The following FCGRT variants were observed in gnomAD, a reference collection of about 807,000 sequenced individuals.
FCGRT encodes Fc gamma receptor and transporter.
A neutral mutation model predicts 35.7 loss-of-function variants in FCGRT; 13 were observed. That is an observed-to-expected ratio of 0.36 (90% CI 0.24 to 0.58). FCGRT has a LOEUF of 0.58. Ranked by LOEUF, FCGRT falls within the 20% of genes least tolerant of loss-of-function variation. The pLI is 0.77. For synonymous variants in FCGRT, 233 were observed against 216.5 expected, an observed-to-expected ratio of 1.08 and a Z score of -0.67; for missense variants, 455 against 474.9, an observed-to-expected ratio of 0.96 and a Z score of 0.39.
intron 4 of FCGRT, among the ~76,000 whole-genome samples, chr19:49,518,639 T>C (rs932124077): frequency 2.6e-5 from 4 of 151,972 alleles, no homozygotes; most frequent in Admixed American, 1.3e-4. Flanking sequence ...GTTCAAGCAA[T>C]TCTCCTGCCT....
At chr19:49,517,161 C>G (rs1485317637) in intron 4 of FCGRT, among the ~76,000 whole-genome samples, 1 of 151,806 alleles carries the variant, frequency 6.6e-6, no homozygotes, top group African/African-American at 2.4e-5. Context: ...TGCACTCCAG[C>G]CCAGATGACA....
At chr19:49,514,545 C>T (rs1301989556) in intron 4 of FCGRT, 59 bp downstream of exon 4, 2 of 1,454,836 alleles carry the variant, frequency 1.4e-6, no homozygotes, top group Non-Finnish European at 9.1e-7. Flanking sequence ...GCCCACCTGC[C>T]TCAGTTCCCC....
intron 4 of FCGRT, 74 bp from the exon 5 acceptor site, chr19:49,524,433 T>C: frequency 2.0e-6 from 3 of 1,508,682 alleles, no homozygotes; most frequent in Admixed American, 3.7e-5. Context: ...GGAGGCCTCT[T>C]TCTGTCCCTA....
chr19:49,522,315 A>G lies in FCGRT; in HGVS notation c.602-2192A>G, dbSNP rs545828007. Among the ~76,000 whole-genome samples, 8 of 152,142 alleles carry G rather than the reference A, an allele frequency of 5.3e-5. No individual in the cohort carries two copies. The East Asian group carries it at 1.4e-3, about 26-fold the overall frequency. On this transcript the variant is annotated intron_variant, in intron 4 of 6. Transcript: ENST00000221466. ...GGCTGGTCTCCAACTCCTGGGTTCA[A>G]GTGATCCACCTCATTCTCCCAAAGC...
At chr19:49,516,361 G>C (rs1231366136) in intron 4 of FCGRT, among the ~76,000 whole-genome samples, 1 of 151,322 alleles carries the variant, frequency 6.6e-6, no homozygotes, top group African/African-American at 2.4e-5. Context: ...TCCTGCCTCA[G>C]CCTCCCGAGT....
chr19:49,512,670 G>T lies in FCGRT; in HGVS notation c.-95G>T. 1 of 155,008 alleles carries T rather than the reference G, an allele frequency of 6.5e-6. No individual in the cohort carries two copies. The highest frequency in any genetic ancestry group is 1.8e-4 in the South Asian group (1 of 5,542). 9.6% of individuals were successfully genotyped at this position (155,008 alleles called of 1,614,324 possible). A position where few individuals can be genotyped will look rare whatever the true frequency, so the allele number is the denominator to read the frequency against. On this transcript the variant is annotated 5_prime_UTR_variant, in exon 1 of 7. Coordinates refer to ENST00000221466, the MANE Select transcript of FCGRT (RefSeq NM_001136019.3). Reference sequence around the variant, plus strand: ...AGCAGCAGCCTCCCACAGGATGTGAGAGAGGAACTGGGGTCTCCAGTCACG... The same window carrying T: ...AGCAGCAGCCTCCCACAGGATGTGATAGAGGAACTGGGGTCTCCAGTCACG...
At chr19:49,513,794 A>G in intron 2 of FCGRT, 88 bp from the exon 3 acceptor site, 1 of 1,083,894 alleles carries the variant, frequency 9.2e-7, no homozygotes, top group Non-Finnish European at 1.2e-6. Context: ...TCCCTCCATA[A>G]TAGATTCTTC....
chr19:49,514,598 GCC>G, intron 4 of FCGRT, 112 bp downstream of exon 4: 1 of 1,055,288 alleles, frequency 9.5e-7, no homozygotes, highest in Non-Finnish European at 1.3e-6. Context: ...CCCACGCTCT[GCC>G]CCCCCATTCC....
intron 6 of FCGRT, 122 bp from the exon 7 acceptor site, chr19:49,525,888 C>T (rs1411290455): frequency 2.6e-6 from 2 of 778,118 alleles, no homozygotes; most frequent in East Asian, 2.4e-5. Context: ...GACAAAGGCC[C>T]AGAAGGAAGG....
rs747515242 is a variant in FCGRT, at chr19:49,524,534, G to A, written c.629G>A (p.Arg210Gln). ...CCCCCCTCCATGCGCCTGAAGGCCC[G>A]ACCCAGCAGCCCTGGCTTTTCCGTG... ...KEPPSMRLKA[R>Q]PSSPGFSVLT... Residue 210 changes from arginine to glutamine, a missense_variant, in exon 5 of 7, where the codon CGA becomes CAA. This residue lies in a region of FCGRT where 312 missense variants were observed against 296.1 expected (regional missense o/e 1.05). Transcript: ENST00000221466. 2.2e-5 allele frequency: 36 copies of A among 1,609,996 alleles called. No homozygotes were observed. In the East Asian group the frequency reaches 5.4e-4, roughly 24 times the overall value.
chr19:49,513,107 G>A (rs1012569278), intron 1 of FCGRT: 1 of 241,682 alleles, frequency 4.1e-6, no homozygotes, highest in African/African-American at 2.3e-5. Flanking sequence ...TGGACTCCGG[G>A]GTCTGAGGGA....
In FCGRT at chr19:49,524,641, C is replaced by G. The variant is rs900437297; in HGVS notation, c.736C>G (p.Gln246Glu). Residue 246 changes from glutamine (Q) to glutamate (E), a missense_variant, in exon 5 of 7, where the codon CAG (glutamine) becomes GAG (glutamate). By Grantham distance (29) the Gln-to-Glu change is conservative. This residue lies in a region of FCGRT where 312 missense variants were observed against 296.1 expected (regional missense o/e 1.05). Coordinates refer to ENST00000221466, the MANE Select transcript of FCGRT (RefSeq NM_001136019.3). ...GAATGGGCTGGCCGCTGGCACCGGCCAGGGTGACTTCGGCCCCAACAGTGA... is the reference window on the plus strand; with the variant it reads ...GAATGGGCTGGCCGCTGGCACCGGCGAGGGTGACTTCGGCCCCAACAGTGA... ...LRNGLAAGTG[Q>E]GDFGPNSDGS... 1 of 1,608,618 alleles carries G rather than the reference C, an allele frequency of 6.2e-7. No individual in the cohort carries two copies. The highest frequency in any genetic ancestry group is 8.5e-7 in the Non-Finnish European group (1 of 1,180,020).
At chr19:49,519,302 T>C (rs1221014118) in intron 4 of FCGRT, among the ~76,000 whole-genome samples, 1 of 152,120 alleles carries the variant, frequency 6.6e-6, no homozygotes, top group African/African-American at 2.4e-5. Flanking sequence ...ATTATGCTTT[T>C]GGTGTTTAAT....
chr19:49,512,976 G>T (rs1234400633), intron 1 of FCGRT, among the ~76,000 whole-genome samples: 2 of 131,380 alleles, frequency 1.5e-5, no homozygotes, highest in Non-Finnish European at 3.2e-5. Flanking sequence ...GGGAGGAGGG[G>T]TTGGGGGCCC....
intron 4 of FCGRT, among the ~76,000 whole-genome samples, chr19:49,517,211 C>T (rs1209138948): frequency 6.6e-6 from 1 of 151,840 alleles, no homozygotes; most frequent in Admixed American, 6.6e-5. Flanking sequence ...AATATGGTGG[C>T]CAGGTGCAGT....
At chr19:49,514,537 C>A in intron 4 of FCGRT, 51 bp downstream of exon 4, 1 of 1,480,528 alleles carries the variant, frequency 6.8e-7, no homozygotes, top group Non-Finnish European at 9.0e-7. Context: ...CCCGTCATGC[C>A]CACCTGCCTC....
chr19:49,525,651 A>G, intron 6 of FCGRT, 78 bp downstream of exon 6: 1 of 953,576 alleles, frequency 1.0e-6, no homozygotes, highest in Admixed American at 2.0e-5. Flanking sequence ...CTGGGAGGAC[A>G]GAGACCCAGA....
chr19:49,513,263 G>T (rs1471872196), intron 1 of FCGRT, 124 bp from the exon 2 acceptor site: 1 of 408,404 alleles, frequency 2.4e-6, no homozygotes, highest in Non-Finnish European at 4.3e-6. Context: ...GGGCATTGTT[G>T]TCAGTCTGGA....
chr19:49,516,065 C>T (rs141165082), intron 4 of FCGRT: 1 of 405,930 alleles, frequency 2.5e-6, no homozygotes, highest in African/African-American at 2.1e-5. Flanking sequence ...CTGCTCTGGG[C>T]CTTGAGCAAA....
Sources: allele counts gnomAD v4.1 joint callset (sites outside exome capture counted in the v4.1 genomes callset), GRCh38; gene constraint gnomAD v4.1.1; regional missense constraint gnomAD v4.1.1; transcripts MANE v1.5; gene names NCBI Gene and HGNC (gene_info 2026-07-23, HGNC 2026-07-21).